SPATS2: variants seen among roughly 807,000 people sequenced by gnomAD.
SPATS2 encodes the protein spermatogenesis-associated serine-rich protein 2.
SPATS2 carries 38 observed loss-of-function variants against 63.7 expected under a neutral mutation model. That is an observed-to-expected ratio of 0.60 (90% CI 0.46 to 0.78). The LOEUF is 0.78. Among genes scored for constraint, SPATS2 ranks in the 30% least tolerant of loss-of-function variants. The pLI is 0.00. For synonymous variants in SPATS2, 207 were observed against 232.9 expected, an observed-to-expected ratio of 0.89 and a Z score of 1.01; for missense variants, 588 against 666.2, an observed-to-expected ratio of 0.88 and a Z score of 1.29.
At chr12:49,508,061 C>G (rs1473606544) in intron 9 of SPATS2, among the ~76,000 whole-genome samples, 1 of 152,120 alleles carries the variant, frequency 6.6e-6, no homozygotes, top group Non-Finnish European at 1.5e-5. Flanking sequence ...AATATTTTAC[C>G]CAAAGATACT....
In SPATS2 at chr12:49,522,353, C is replaced by T. The variant is rs959231549; in HGVS notation, c.1009-398C>T. On this transcript the variant is annotated intron_variant, in intron 11 of 13. Coordinates refer to ENST00000552918, the MANE Select transcript of SPATS2 (RefSeq NM_023071.4). ...AAGGAAGTTCCTATTAACACCAAAC[C>T]ATCTATCTAAATGGTATCATTGTAG... Among the ~76,000 whole-genome samples the T allele has an allele frequency of 2.0e-5, 3 of 152,144 alleles. No homozygotes were observed. In the South Asian group the frequency reaches 6.2e-4, roughly 32 times the overall value.
intron 8 of SPATS2, among the ~76,000 whole-genome samples, chr12:49,498,961 T>G (rs555135639): frequency 6.8e-6 from 1 of 147,442 alleles, no homozygotes; most frequent in African/African-American, 2.4e-5. Context: ...TAATTTTGTA[T>G]TTTTAGTAGA....
At chr12:49,387,906 G>A (rs1483994012) in intron 2 of SPATS2, among the ~76,000 whole-genome samples, 10 of 152,010 alleles carry the variant, frequency 6.6e-5, no homozygotes, top group Admixed American at 1.3e-4. Context: ...GAATCCTGTG[G>A]GCTCTCTCTT....
intron 9 of SPATS2, among the ~76,000 whole-genome samples, chr12:49,501,838 C>G (rs894136564): frequency 1.3e-5 from 2 of 152,112 alleles, no homozygotes; most frequent in African/African-American, 2.4e-5. Context: ...AGGCCGGTCT[C>G]GAACTCCTGA....
intron 2 of SPATS2, among the ~76,000 whole-genome samples, chr12:49,436,656 G>C (rs1945301966): frequency 8.2e-6 from 1 of 122,350 alleles, no homozygotes; most frequent in Non-Finnish European, 1.7e-5. Context: ...GGGCAGAGGG[G>C]CTCCTCTCTT....
intron 2 of SPATS2, among the ~76,000 whole-genome samples, chr12:49,446,255 CA>C (rs1945509265): frequency 6.6e-6 from 1 of 152,174 alleles, no homozygotes; most frequent in African/African-American, 2.4e-5. Context: ...ATCAGGGAAA[CA>C]TGGATTTTTT....
rs1200893586 is a variant in SPATS2 at position 49,371,254 on chromosome 12, T to C, written c.-280T>C. 3 of 152,262 alleles carry C rather than the reference T, an allele frequency of 2.0e-5. No homozygotes were observed. The highest frequency in any genetic ancestry group is 4.4e-5 in the Non-Finnish European group (3 of 68,052). 9.4% of individuals were successfully genotyped at this position (152,262 alleles called of 1,614,324 possible). ...TGCTGGCTACCAATATTCTACTTTC[T>C]GTCTCTATGAATGTGACTACCCTGG... is the stretch of plus-strand genomic sequence containing the variant. On this transcript the variant is annotated 5_prime_UTR_variant, in exon 2 of 14. Coordinates refer to ENST00000552918, the MANE Select transcript of SPATS2 (RefSeq NM_023071.4).
intron 2 of SPATS2, among the ~76,000 whole-genome samples, chr12:49,375,152 G>A (rs1273692890): frequency 1.8e-5 from 1 of 55,066 alleles, no homozygotes; most frequent in Non-Finnish European, 4.7e-5. Flanking sequence ...GTGTGTGTGT[G>A]TGTGTGTGTG....
At chr12:49,421,253 A>G (rs1944976096) in intron 2 of SPATS2, among the ~76,000 whole-genome samples, 1 of 152,028 alleles carries the variant, frequency 6.6e-6, no homozygotes, top group Admixed American at 6.6e-5. Context: ...GCCCGTCTCT[A>G]CTAAAAATAC....
At chr12:49,516,204 T>TATATATATATAAATAA (rs764472141) in intron 10 of SPATS2, among the ~76,000 whole-genome samples, 9 of 70,724 alleles carry the variant, frequency 1.3e-4, no homozygotes, top group African/African-American at 3.7e-4. Context: ...TATATATATA[T>TATATATATATAAATAA]ATATAAATCA....
chr12:49,380,705 C>CA (rs375474971), intron 2 of SPATS2, among the ~76,000 whole-genome samples: 13,570 of 145,270 alleles, frequency 0.093, 720 homozygotes, highest in African/African-American at 0.15. Context: ...GACTCTGCCT[C>CA]AAAAAAAAAA....
intron 7 of SPATS2, among the ~76,000 whole-genome samples, chr12:49,496,102 T>C (rs1946459196): frequency 6.6e-6 from 1 of 152,242 alleles, no homozygotes. Flanking sequence ...GTTTAGGTGT[T>C]CTTTTATTGA....
At chr12:49,384,983 A>G (rs1944286943) in intron 2 of SPATS2, among the ~76,000 whole-genome samples, 1 of 151,756 alleles carries the variant, frequency 6.6e-6, no homozygotes, top group South Asian at 2.1e-4. Flanking sequence ...CTAATTTTGT[A>G]TTTTTAGTAG....
Position 49,440,305 on chromosome 12 carries a change from G to A in SPATS2, c.-243-20465G>A, listed in dbSNP as rs181895108. Among the ~76,000 whole-genome samples the A allele has an allele frequency of 2.4e-3, 371 of 152,208 alleles. 1 individual carries two copies. The highest frequency in any genetic ancestry group is 8.5e-3 in the African/African-American group (353 of 41,508). The stretch of plus-strand genomic sequence containing the variant: ...ATAATAGTGTATTTCCTGATGTACA[G>A]CTCCTTATTTCCATCTAGCCAGTTG... On this transcript the variant is annotated intron_variant, in intron 2 of 13. Coordinates refer to ENST00000552918, the MANE Select transcript of SPATS2 (RefSeq NM_023071.4).
chr12:49,431,104 A>G (rs542586138), intron 2 of SPATS2, among the ~76,000 whole-genome samples: 1 of 152,236 alleles, frequency 6.6e-6, no homozygotes, highest in Non-Finnish European at 1.5e-5. Context: ...CTAGTTTCCT[A>G]TCTTTTCAGT....
At chr12:49,507,926 T>TA (rs1946680427) in intron 9 of SPATS2, among the ~76,000 whole-genome samples, 1 of 152,244 alleles carries the variant, frequency 6.6e-6, no homozygotes, top group Non-Finnish European at 1.5e-5. Context: ...TGCCGCTATT[T>TA]ACTGAGCTCA....
intron 2 of SPATS2, among the ~76,000 whole-genome samples, chr12:49,375,716 C>T (rs1944088176): frequency 6.6e-6 from 1 of 152,214 alleles, no homozygotes; most frequent in Non-Finnish European, 1.5e-5. Flanking sequence ...AACAGTGAAA[C>T]TCATCTGTAA....
At chr12:49,412,399 T>C (rs1418433115) in intron 2 of SPATS2, among the ~76,000 whole-genome samples, 1 of 152,088 alleles carries the variant, frequency 6.6e-6, no homozygotes, top group Non-Finnish European at 1.5e-5. Flanking sequence ...TTCACCATGT[T>C]GGCCAGGCTG....
chr12:49,521,739 A>G (rs970805926), intron 11 of SPATS2, among the ~76,000 whole-genome samples: 1 of 152,148 alleles, frequency 6.6e-6, no homozygotes, highest in Non-Finnish European at 1.5e-5. Flanking sequence ...AACAAACCCT[A>G]GAATTTGTTT....
Sources: allele counts gnomAD v4.1 joint callset (sites outside exome capture counted in the v4.1 genomes callset), GRCh38; gene constraint gnomAD v4.1.1; transcripts MANE v1.5; gene names NCBI Gene and HGNC (gene_info 2026-07-23, HGNC 2026-07-21).